Variants in ENPP6 observed in about 807,000 individuals in gnomAD.
The protein encoded by ENPP6 is ectonucleotide pyrophosphatase/phosphodiesterase 6.
Under a neutral mutation model 42.0 loss-of-function variants are expected in ENPP6, and 32 were observed. The ratio of observed to expected loss-of-function variants is 0.76; its 90% CI spans 0.58 to 1.02. ENPP6 has a LOEUF of 1.02. Among genes scored for constraint, ENPP6 ranks in the 50% least tolerant of loss-of-function variants. The probability of loss-of-function intolerance (pLI) is 0.00; values close to 1 mark genes in which losing one functional copy is unlikely to be tolerated. For missense variants in ENPP6, 552 were observed against 566.8 expected (o/e 0.97, Z 0.27); for synonymous variants, 213 against 216.0 (o/e 0.99, Z 0.12).
rs989168146 is a variant in ENPP6 at position 184,140,158 on chromosome 4, A to G, written c.421+13396T>C. Among the ~76,000 whole-genome samples, 167 of 152,008 alleles carry G rather than the reference A, an allele frequency of 1.1e-3. 2 individuals carry two copies. Among genetic ancestry groups the G allele is most frequent in the Non-Finnish European group, 2.6e-4 (18 of 68,014 alleles). On this transcript the variant is annotated intron_variant, in intron 2 of 7. Coordinates refer to ENST00000296741, the MANE Select transcript of ENPP6 (RefSeq NM_153343.4). ...TTTTTTGGCTGCATAAATGTCTTCA[A>G]ATACCTAGGAATCCAACTTACAAGG...
At chr4:184,094,268 C>A (rs1330949568) in intron 7 of ENPP6, among the ~76,000 whole-genome samples, 1 of 152,200 alleles carries the variant, frequency 6.6e-6, no homozygotes. Flanking sequence ...CAGAGAAAGA[C>A]CATCTCTAAA....
rs537758501 is a variant in ENPP6, at chr4:184,184,031, C to T, written c.242-30298G>A. 1.3e-5 allele frequency among the ~76,000 whole-genome samples: 2 copies of T among 152,174 alleles called. No homozygotes were observed. The highest frequency in any genetic ancestry group is 1.5e-5 in the Non-Finnish European group (1 of 68,030). ...AGTTGGACATGGTGCAGCCTTCATCCGTCAGCGTCTGTGAATGACTACATG... is the reference window on the plus strand; with the variant it reads ...AGTTGGACATGGTGCAGCCTTCATCTGTCAGCGTCTGTGAATGACTACATG... On this transcript the variant is annotated intron_variant, in intron 1 of 7. Coordinates refer to ENST00000296741, the MANE Select transcript of ENPP6 (RefSeq NM_153343.4). This position sits in a 1 kb window ranked among gnomAD's most constrained non-coding sequence, Gnocchi z 4.7.
In ENPP6 at chr4:184,187,312, AC is replaced by A. The variant is rs1177584362; in HGVS notation, c.241+30266del. Among the ~76,000 whole-genome samples the A allele has an allele frequency of 2.0e-5, 3 of 152,340 alleles. No individual in the cohort carries two copies. The East Asian group carries it at 5.8e-4, about 29-fold the overall frequency. On this transcript the variant is annotated intron_variant, in intron 1 of 7. Coordinates refer to ENST00000296741, the MANE Select transcript of ENPP6 (RefSeq NM_153343.4). ...AGCTTGGGAGAAGTGAAACTTTGGC[AC>A]CAAGGTGATGGACTTAAAGGAGCAG...
chr4:184,129,815 T>C (rs1043736297), intron 2 of ENPP6, among the ~76,000 whole-genome samples: 1 of 152,180 alleles, frequency 6.6e-6, no homozygotes, highest in African/African-American at 2.4e-5. Context: ...AAATAGTATA[T>C]AACAGATGAT....
At chr4:184,119,793 G>C (rs974034509) in intron 3 of ENPP6, among the ~76,000 whole-genome samples, 4 of 152,074 alleles carry the variant, frequency 2.6e-5, no homozygotes, top group Non-Finnish European at 4.4e-5. Context: ...GAGATCTGAT[G>C]GTTTTATAAA....
At chr4:184,190,308 A>G (rs1462243297) in intron 1 of ENPP6, among the ~76,000 whole-genome samples, 2 of 152,212 alleles carry the variant, frequency 1.3e-5, no homozygotes, top group Non-Finnish European at 2.9e-5. Flanking sequence ...ACAATATTTG[A>G]CAGAGTTTGC....
chr4:184,111,048 A>T (rs1014398447), intron 6 of ENPP6, among the ~76,000 whole-genome samples: 1 of 152,026 alleles, frequency 6.6e-6, no homozygotes, highest in African/African-American at 2.4e-5. Context: ...TGGAATTGAG[A>T]TGGCACCTCA....
chr4:184,143,346 G>A (rs1231730316), intron 2 of ENPP6, among the ~76,000 whole-genome samples: 1 of 152,214 alleles, frequency 6.6e-6, no homozygotes, highest in Non-Finnish European at 1.5e-5. Flanking sequence ...TTCTCAGGTG[G>A]TTCTGAGCCA....
At chr4:184,206,313 A>T (rs367954858) in intron 1 of ENPP6, among the ~76,000 whole-genome samples, 33 of 109,986 alleles carry the variant, frequency 3.0e-4, no homozygotes, top group Non-Finnish European at 5.2e-4. Flanking sequence ...GCTGGAGTGC[A>T]GTGGCGCGAT....
chr4:184,162,552 GA>G (rs576505404), intron 1 of ENPP6, among the ~76,000 whole-genome samples: 48,612 of 129,132 alleles, frequency 0.38, 9,352 homozygotes, highest in Admixed American at 0.55. Context: ...AGGGAAGAAG[GA>G]AGGAAAGAAG....
At chr4:184,107,880 C>T (rs1235015969) in intron 6 of ENPP6, among the ~76,000 whole-genome samples, 1 of 151,440 alleles carries the variant, frequency 6.6e-6, no homozygotes, top group African/African-American at 2.4e-5. Context: ...CCGCCATTAC[C>T]CTCTAGCCTG....
At chr4:184,109,847 C>T (rs912696443) in intron 6 of ENPP6, among the ~76,000 whole-genome samples, 4 of 151,006 alleles carry the variant, frequency 2.6e-5, no homozygotes, top group Non-Finnish European at 3.0e-5. Context: ...TTCAGACAAA[C>T]GTGTGTGTGT....
At chr4:184,200,652 G>A (rs1418817130) in intron 1 of ENPP6, among the ~76,000 whole-genome samples, 3 of 152,254 alleles carry the variant, frequency 2.0e-5, no homozygotes, top group Non-Finnish European at 4.4e-5. Context: ...GCAGTCAGGA[G>A]AAGCCGGCTC....
intron 1 of ENPP6, among the ~76,000 whole-genome samples, chr4:184,207,992 G>A (rs562103706): frequency 1.5e-4 from 17 of 113,232 alleles, no homozygotes; most frequent in African/African-American, 3.7e-4. Flanking sequence ...GGAATAGCCC[G>A]CTCTAATGGC....
At chr4:184,201,459 T>C (rs1445482681) in intron 1 of ENPP6, among the ~76,000 whole-genome samples, 10 of 151,640 alleles carry the variant, frequency 6.6e-5, no homozygotes, top group African/African-American at 2.2e-4. Context: ...CCGCAGTGGC[T>C]CCACGTGGAC....
chr4:184,141,047 AAAAC>A (rs1430960831), intron 2 of ENPP6, among the ~76,000 whole-genome samples: 1 of 85,852 alleles, frequency 1.2e-5, no homozygotes, highest in East Asian at 3.0e-4. Context: ...TTTACAAGAA[AAAAC>A]AAACAACCCG....
chr4:184,197,997 G>T (rs1732830647), intron 1 of ENPP6, among the ~76,000 whole-genome samples: 1 of 152,184 alleles, frequency 6.6e-6, no homozygotes, highest in African/African-American at 2.4e-5. Context: ...TCGGCCTTAA[G>T]GGCGAGAGAG....
chr4:184,157,507 TTTTCTC>T (rs1336017155), intron 1 of ENPP6, among the ~76,000 whole-genome samples: 1 of 151,456 alleles, frequency 6.6e-6, no homozygotes. Flanking sequence ...TCTTTCCTCT[TTTTCTC>T]TTTCTTTTTC....
At chr4:184,144,980 G>A (rs1395377134) in intron 2 of ENPP6, among the ~76,000 whole-genome samples, 1 of 152,238 alleles carries the variant, frequency 6.6e-6, no homozygotes, top group Non-Finnish European at 1.5e-5. Context: ...GCGGAGGACA[G>A]AGGGCACTGA....
Sources: allele counts gnomAD v4.1 joint callset (sites outside exome capture counted in the v4.1 genomes callset), GRCh38; gene constraint gnomAD v4.1.1; non-coding constraint Gnocchi (gnomAD v3.1); transcripts MANE v1.5; gene names NCBI Gene and HGNC (gene_info 2026-07-23, HGNC 2026-07-21).